CCSER1: variants seen among roughly 807,000 people sequenced by gnomAD.
The protein encoded by CCSER1 is serine-rich coiled-coil domain-containing protein 1.
CCSER1 carries 41 observed loss-of-function variants against 82.0 expected under a neutral mutation model. That is an observed-to-expected ratio of 0.50 (90% CI 0.39 to 0.65). The LOEUF is 0.65. Among genes scored for constraint, CCSER1 ranks in the 30% least tolerant of loss-of-function variants. The probability of loss-of-function intolerance (pLI) is 0.00; values close to 1 mark genes in which losing one functional copy is unlikely to be tolerated. For missense variants in CCSER1, 1,119 were observed against 1,064.2 expected, an observed-to-expected ratio of 1.05 and a Z score of -0.72; for synonymous variants, 414 against 383.9, an observed-to-expected ratio of 1.08 and a Z score of -0.92.
At chr4:91,096,679 G>C (rs532098833) in intron 10 of CCSER1, among the ~76,000 whole-genome samples, 1 of 152,206 alleles carries the variant, frequency 6.6e-6, no homozygotes, top group African/African-American at 2.4e-5. Context: ...TGACTCCATA[G>C]TCTCCTTTGA....
At chr4:90,664,779 A>G (rs1409411798) in intron 6 of CCSER1, among the ~76,000 whole-genome samples, 1 of 152,142 alleles carries the variant, frequency 6.6e-6, no homozygotes, top group Non-Finnish European at 1.5e-5. Context: ...ACATGCCTGT[A>G]ATCCCAGTGA....
chr4:91,082,017 C>A (rs905253557), intron 9 of CCSER1, among the ~76,000 whole-genome samples: 1 of 152,080 alleles, frequency 6.6e-6, no homozygotes, highest in Admixed American at 6.5e-5. Flanking sequence ...CAATGCCATC[C>A]CCATCAAGCT....
At chr4:90,686,555 C>A (rs915177082) in intron 6 of CCSER1, among the ~76,000 whole-genome samples, 2 of 152,012 alleles carry the variant, frequency 1.3e-5, no homozygotes, top group African/African-American at 4.8e-5. Flanking sequence ...TAGATTATAG[C>A]CCAAAACCTC....
chr4:91,214,526 A>G (rs72669292), intron 10 of CCSER1, among the ~76,000 whole-genome samples: 5,267 of 152,164 alleles, frequency 0.035, 127 homozygotes, highest in Middle Eastern at 0.078. Flanking sequence ...TTCTCTACCT[A>G]TTCATAGTTC....
chr4:90,401,620 G>A (rs1000986493), intron 4 of CCSER1, among the ~76,000 whole-genome samples: 1 of 152,002 alleles, frequency 6.6e-6, no homozygotes, highest in Non-Finnish European at 1.5e-5. Flanking sequence ...CACAACTTCC[G>A]CCTCCTGGGC....
chr4:90,809,577 G>A (rs1466080069), intron 7 of CCSER1, among the ~76,000 whole-genome samples: 5 of 151,848 alleles, frequency 3.3e-5, no homozygotes, highest in African/African-American at 1.2e-4. Flanking sequence ...TACCTATTGG[G>A]TACAATGTAC....
At chr4:91,482,403 C>T (rs796211902) in intron 10 of CCSER1, among the ~76,000 whole-genome samples, 8,274 of 47,144 alleles carry the variant, frequency 0.18, 604 homozygotes, top group Middle Eastern at 0.31. Context: ...AGCGAGACTC[C>T]GTCTCAAAAA....
intron 8 of CCSER1, among the ~76,000 whole-genome samples, chr4:90,870,920 G>T (rs1301293478): frequency 6.9e-6 from 1 of 144,278 alleles, no homozygotes; most frequent in Non-Finnish European, 1.5e-5. Flanking sequence ...TAAATTTTTT[G>T]GGTTGAATAT....
intron 10 of CCSER1, among the ~76,000 whole-genome samples, chr4:91,373,605 C>T (rs548511080): frequency 6.6e-6 from 1 of 152,132 alleles, no homozygotes; most frequent in African/African-American, 2.4e-5. Context: ...TCTTTATATC[C>T]CTGAGTTTCA....
chr4:91,303,505 G>T (rs1165332375), intron 10 of CCSER1, among the ~76,000 whole-genome samples: 1 of 151,886 alleles, frequency 6.6e-6, no homozygotes, highest in African/African-American at 2.4e-5. Context: ...TACCATATAG[G>T]CCAGGCACAG....
chr4:90,576,746 C>T (rs770713483), intron 5 of CCSER1, among the ~76,000 whole-genome samples: 2 of 152,182 alleles, frequency 1.3e-5, no homozygotes, highest in Admixed American at 6.5e-5. Context: ...AGATATACTA[C>T]AGTTGATTTA....
chr4:91,359,496 A>G (rs1415023886), intron 10 of CCSER1, among the ~76,000 whole-genome samples: 1 of 151,892 alleles, frequency 6.6e-6, no homozygotes, highest in Non-Finnish European at 1.5e-5. Flanking sequence ...CTACCTATTA[A>G]AATTATATGA....
At chr4:91,087,892 A>G (rs1723542795) in intron 10 of CCSER1, among the ~76,000 whole-genome samples, 1 of 152,132 alleles carries the variant, frequency 6.6e-6, no homozygotes, top group Non-Finnish European at 1.5e-5. Context: ...ATGTTCTAAG[A>G]TAAGAAACTT....
At chr4:90,639,760 T>C (rs1472471102) in intron 6 of CCSER1, among the ~76,000 whole-genome samples, 1 of 152,128 alleles carries the variant, frequency 6.6e-6, no homozygotes, top group African/African-American at 2.4e-5. Flanking sequence ...ACAAGAGTTC[T>C]ATTTTGATCA....
At chr4:90,628,293 G>GTC in intron 6 of CCSER1, 61 bp downstream of exon 6, 1 of 1,350,488 alleles carries the variant, frequency 7.4e-7, no homozygotes, top group Non-Finnish European at 1.1e-6. Flanking sequence ...GTCTGCAGAC[G>GTC]TGGTTAGACC....
chr4:90,331,741 A>G (rs190583509), intron 3 of CCSER1, among the ~76,000 whole-genome samples: 41 of 152,278 alleles, frequency 2.7e-4, no homozygotes, highest in African/African-American at 7.9e-4. Flanking sequence ...AGTGAGTCCA[A>G]TGCATTTCTT....
rs141043651 is a variant in CCSER1 at position 90,672,869 on chromosome 4, A to G, written c.1932+44637A>G. Among the ~76,000 whole-genome samples the G allele has an allele frequency of 5.1e-4, 77 of 152,114 alleles. 1 individual carries two copies. The East Asian group carries it at 0.012, about 23-fold the overall frequency. ...ATGGTCAGAGACTAGAGAATGACCA[A>G]TCAGTGGAGGAATCAGACACACACA... On this transcript the variant is annotated intron_variant, in intron 6 of 10. Transcript: ENST00000509176.
intron 6 of CCSER1, among the ~76,000 whole-genome samples, chr4:90,645,671 G>A (rs920063399): frequency 6.6e-6 from 1 of 152,036 alleles, no homozygotes; most frequent in African/African-American, 2.4e-5. Flanking sequence ...TTTGACACAT[G>A]GTCATAAAAA....
At chr4:90,267,665 G>C (rs776424386) in intron 1 of CCSER1, among the ~76,000 whole-genome samples, 1 of 152,172 alleles carries the variant, frequency 6.6e-6, no homozygotes, top group Non-Finnish European at 1.5e-5. Flanking sequence ...TTGTTTGGGA[G>C]AAAGTAAGAA....
Sources: allele counts gnomAD v4.1 joint callset (sites outside exome capture counted in the v4.1 genomes callset), GRCh38; gene constraint gnomAD v4.1.1; transcripts MANE v1.5; gene names NCBI Gene and HGNC (gene_info 2026-07-23, HGNC 2026-07-21).